PTBP3: variants seen among roughly 807,000 people sequenced by gnomAD.
PTBP3 encodes the protein polypyrimidine tract-binding protein 3.
PTBP3 carries 20 observed loss-of-function variants against 58.7 expected under a neutral mutation model. The observed-to-expected ratio is 0.34, with a 90% CI of 0.24 to 0.50. The LOEUF is 0.50. Ranked by LOEUF, PTBP3 falls within the 20% of genes least tolerant of loss-of-function variation. The pLI, the probability that PTBP3 is intolerant of heterozygous loss-of-function variation, is 0.98. For synonymous variants in PTBP3, 185 were observed against 219.8 expected (o/e 0.84, Z 1.40); for missense variants, 509 against 637.2 (o/e 0.80, Z 2.17).
chr9:112,223,318 T>C lies in PTBP3; in HGVS notation c.*533A>G, dbSNP rs1020389987. On this transcript the variant is annotated 3_prime_UTR_variant, in exon 14 of 14. Coordinates refer to ENST00000374257, the MANE Select transcript of PTBP3 (RefSeq NM_001163788.4). ...CTTCCAACACAACTCAATGTGTTTA[T>C]GCATAATAACCATCAATATATGGCA... The C allele has an allele frequency of 5.0e-5, 49 of 971,224 alleles. No individual in the cohort carries two copies. Among genetic ancestry groups the C allele is most frequent in the Admixed American group, 6.1e-5 (1 of 16,302 alleles). 60.2% of individuals were successfully genotyped at this position (971,224 alleles called of 1,614,324 possible). A position where few individuals can be genotyped will look rare whatever the true frequency, so the allele number is the denominator to read the frequency against.
chr9:112,330,164 C>T (rs1830311940), intron 1 of PTBP3, among the ~76,000 whole-genome samples: 1 of 152,090 alleles, frequency 6.6e-6, no homozygotes, highest in African/African-American at 2.4e-5. Flanking sequence ...TAAGCCTAGG[C>T]TACATTTAAC....
chr9:112,340,032 G>A, the PTBP3 span, among the ~76,000 whole-genome samples: 6 of 151,964 alleles, frequency 3.9e-5, no homozygotes, highest in South Asian at 2.1e-4. Context: ...TGGTGCAATC[G>A]TGGCTCACTG....
chr9:112,301,770 A>G (rs897533684), intron 1 of PTBP3, among the ~76,000 whole-genome samples: 1 of 152,216 alleles, frequency 6.6e-6, no homozygotes, highest in Admixed American at 6.5e-5. Flanking sequence ...TTCTGTTTTG[A>G]TGGTGTACTA....
rs1262223651 is a variant in PTBP3, at chr9:112,275,951, G to C, written c.97C>G (p.Leu33Val). 6.2e-7 allele frequency: 1 copy of C among 1,613,632 alleles called. No homozygotes were observed. The highest frequency in any genetic ancestry group is 8.5e-7 in the Non-Finnish European group (1 of 1,179,564). The change falls in exon 3 of 14, where the codon CTC (leucine) becomes GTC (valine). Residue 33 changes from leucine to valine, a missense_variant. Coordinates refer to ENST00000374257, the MANE Select transcript of PTBP3 (RefSeq NM_001163788.4). The part of the protein sequence containing the change: ...DRPPCSPSRV[L>V]HLRKIPCDVT... ...TCACATGGAATTTTTCGAAGATGGA[G>C]AACACGGGAAGGCGAACAGGGAGGT...
At chr9:112,249,946 T>C (rs1330833293) in intron 7 of PTBP3, among the ~76,000 whole-genome samples, 2 of 151,896 alleles carry the variant, frequency 1.3e-5, no homozygotes, top group African/African-American at 4.8e-5. Flanking sequence ...AACACAAAAA[T>C]TTGGTCAAAG....
chr9:112,250,883 G>T, intron 7 of PTBP3, 46 bp downstream of exon 7: 1 of 1,441,224 alleles, frequency 6.9e-7, no homozygotes, highest in Non-Finnish European at 9.2e-7. Flanking sequence ...AATGAAACTT[G>T]TAACTTCAGA....
At chr9:112,274,597 T>C (rs1827529807) in intron 3 of PTBP3, among the ~76,000 whole-genome samples, 1 of 152,212 alleles carries the variant, frequency 6.6e-6, no homozygotes, top group African/African-American at 2.4e-5. Flanking sequence ...TCCTTATTCA[T>C]CTTAAGAATA....
At chr9:112,272,173 C>G (rs1003979826) in intron 3 of PTBP3, among the ~76,000 whole-genome samples, 18 of 152,168 alleles carry the variant, frequency 1.2e-4, no homozygotes, top group Admixed American at 9.2e-4. Flanking sequence ...AGCAATCCTC[C>G]CATCTCAGCC....
At chr9:112,315,976 G>A (rs958682146) in intron 1 of PTBP3, among the ~76,000 whole-genome samples, 4 of 152,180 alleles carry the variant, frequency 2.6e-5, no homozygotes, top group Non-Finnish European at 4.4e-5. Context: ...TGCTTACAGG[G>A]AAATTTATAT....
intron 2 of PTBP3, among the ~76,000 whole-genome samples, chr9:112,295,890 G>T (rs186371802): frequency 6.6e-6 from 1 of 152,260 alleles, no homozygotes; most frequent in East Asian, 1.9e-4. Context: ...AAGGTTCGGG[G>T]AAGAAGGATT....
chr9:112,321,754 G>C (rs995794146), intron 1 of PTBP3, among the ~76,000 whole-genome samples: 1 of 152,050 alleles, frequency 6.6e-6, no homozygotes, highest in Non-Finnish European at 1.5e-5. Flanking sequence ...TGCTGAGTAT[G>C]AACTAACATA....
chr9:112,231,510 G>A (rs943621), intron 9 of PTBP3, 97 bp from the exon 10 acceptor site: 456,705 of 1,007,714 alleles, frequency 0.45, 106,960 homozygotes, highest in African/African-American at 0.59. Flanking sequence ...TTATTTTAAA[G>A]CATGGTTTTA....
intron 1 of PTBP3, among the ~76,000 whole-genome samples, chr9:112,306,050 A>T (rs1829187726): frequency 6.6e-6 from 1 of 152,242 alleles, no homozygotes; most frequent in Non-Finnish European, 1.5e-5. Flanking sequence ...CTACACTTGC[A>T]ATTGGTGTCA....
intron 1 of PTBP3, among the ~76,000 whole-genome samples, chr9:112,323,905 C>T (rs2132456742): frequency 6.6e-6 from 1 of 152,218 alleles, no homozygotes; most frequent in East Asian, 1.9e-4. Context: ...AGCCAAACCA[C>T]AGAACCAGGA....
chr9:112,315,852 T>C (rs148545016), intron 1 of PTBP3, among the ~76,000 whole-genome samples: 1 of 152,208 alleles, frequency 6.6e-6, no homozygotes, highest in African/African-American at 2.4e-5. Context: ...TTCAAGGAAT[T>C]TGTACATTTG....
intron 5 of PTBP3, among the ~76,000 whole-genome samples, chr9:112,253,372 C>G (rs1836211599): frequency 6.6e-6 from 1 of 152,086 alleles, no homozygotes; most frequent in Non-Finnish European, 1.5e-5. Flanking sequence ...TGAGACAGTG[C>G]AAGAGTGGTG....
At chr9:112,350,616 C>A in the PTBP3 span, among the ~76,000 whole-genome samples, 1 of 152,098 alleles carries the variant, frequency 6.6e-6, no homozygotes, top group East Asian at 1.9e-4. Context: ...AAAAAATGAA[C>A]CAGAACCAGA....
intron 2 of PTBP3, among the ~76,000 whole-genome samples, chr9:112,284,372 G>C (rs1379205041): frequency 6.6e-6 from 1 of 152,192 alleles, no homozygotes; most frequent in Non-Finnish European, 1.5e-5. Flanking sequence ...GTGAGATGTG[G>C]AGTCAAAGGA....
intron 1 of PTBP3, chr9:112,333,121 G>A: frequency 7.9e-7 from 1 of 1,259,422 alleles, no homozygotes; most frequent in Non-Finnish European, 1.0e-6. Flanking sequence ...GAGAGGAAGT[G>A]TCGGGAGGCC....
Sources: allele counts gnomAD v4.1 joint callset (sites outside exome capture counted in the v4.1 genomes callset), GRCh38; gene constraint gnomAD v4.1.1; transcripts MANE v1.5; gene names NCBI Gene and HGNC (gene_info 2026-07-23, HGNC 2026-07-21).